Variants in LYZL4 observed in about 807,000 individuals in gnomAD.
The protein encoded by LYZL4 is lysozyme-like protein 4.
A neutral mutation model predicts 17.6 loss-of-function variants in LYZL4; 13 were observed. The observed-to-expected ratio is 0.74, with a 90% CI of 0.48 to 1.18. The LOEUF (loss-of-function observed/expected upper bound fraction) is 1.18, where lower values mean the gene tolerates loss of function less well. Among genes scored for constraint, LYZL4 ranks in the 50% most tolerant of loss-of-function variants. The pLI is 0.00. For missense variants in LYZL4, 174 were observed against 188.2 expected (o/e 0.92, Z 0.44); for synonymous variants, 64 against 67.7 (o/e 0.95, Z 0.27).
At chr3:42,386,195 C>T in the LYZL4 span, among the ~76,000 whole-genome samples, 2 of 152,192 alleles carry the variant, frequency 1.3e-5, no homozygotes, top group East Asian at 1.9e-4. Context: ...TTCCACCTCC[C>T]GGGTTCAAGA....
chr3:42,379,551 G>C, the LYZL4 span, among the ~76,000 whole-genome samples: 6 of 152,156 alleles, frequency 3.9e-5, no homozygotes, highest in African/African-American at 1.4e-4. Context: ...AAGTTTATTA[G>C]AAGCCCTCAT....
chr3:42,406,453 C>CAAAAAAAAAAAAA (rs565639489), intron 3 of LYZL4, among the ~76,000 whole-genome samples: 1 of 84,156 alleles, frequency 1.2e-5, no homozygotes, highest in Non-Finnish European at 2.4e-5. Context: ...GACTCCGTCT[C>CAAAAAAAAAAAAA]AAAAAAAAAA....
Position 42,407,106 on chromosome 3 carries a change from T to C in LYZL4, c.139+7A>G. ...AGAGGAGGGAGCACTAAGTGGGGCC[T>C]ACTCACAGTTCTCAAGGCTATAGCC... On this transcript the variant is annotated splice_region_variant and intron_variant, in intron 2 of 4. Transcript: ENST00000287748. 1 of 1,614,138 alleles carries C rather than the reference T, an allele frequency of 6.2e-7. No homozygotes were observed. Among genetic ancestry groups the C allele is most frequent in the Non-Finnish European group, 8.5e-7 (1 of 1,180,002 alleles).
the LYZL4 span, among the ~76,000 whole-genome samples, chr3:42,387,136 A>T: frequency 6.6e-6 from 1 of 152,160 alleles, no homozygotes; most frequent in South Asian, 2.1e-4. Context: ...ATAACAACAT[A>T]CTGTGCAATA....
chr3:42,398,006 T>C (rs1698585358), intron 4 of LYZL4, among the ~76,000 whole-genome samples: 1 of 152,150 alleles, frequency 6.6e-6, no homozygotes, highest in African/African-American at 2.4e-5. Context: ...TCCTGTTTCG[T>C]CATCCCACCC....
chr3:42,364,323 T>TCTTTTC, the LYZL4 span, among the ~76,000 whole-genome samples: 1 of 139,110 alleles, frequency 7.2e-6, no homozygotes, highest in African/African-American at 2.9e-5. Context: ...TGTCACCTTT[T>TCTTTTC]CTTTTCCTTT....
At position 42,397,213 on chromosome 3, in the gene LYZL4, A is replaced by G; in HGVS notation, c.*52T>C. 8.0e-7 allele frequency: 1 copy of G among 1,249,852 alleles called. No individual in the cohort carries two copies. The highest frequency in any genetic ancestry group is 1.1e-6 in the Non-Finnish European group (1 of 877,868). The allele number at this position is 1,249,852 out of a possible 1,614,324, so 77.4% of individuals were successfully genotyped here. A position where few individuals can be genotyped will look rare whatever the true frequency, so the allele number is the denominator to read the frequency against. On this transcript the variant is annotated 3_prime_UTR_variant, in exon 5 of 5. Transcript: ENST00000287748. ...TGACTGAAGCAGCAAGCAGAAAAGC[A>G]CCTTCATTCACAAGATGCAACTGGT... is the stretch of plus-strand genomic sequence containing the variant.
the LYZL4 span, among the ~76,000 whole-genome samples, chr3:42,373,537 G>A: frequency 2.0e-5 from 3 of 152,162 alleles, no homozygotes; most frequent in Non-Finnish European, 4.4e-5. Flanking sequence ...CATAGCATGG[G>A]CGTGGGGGAG....
chr3:42,377,827 C>T, the LYZL4 span, among the ~76,000 whole-genome samples: 2 of 152,152 alleles, frequency 1.3e-5, no homozygotes, highest in Non-Finnish European at 2.9e-5. Flanking sequence ...TCACTTCAAC[C>T]ATAATTCCAA....
intron 3 of LYZL4, among the ~76,000 whole-genome samples, chr3:42,405,751 C>G (rs1029995030): frequency 6.6e-6 from 1 of 152,140 alleles, no homozygotes; most frequent in African/African-American, 2.4e-5. Flanking sequence ...AGCCGCACTG[C>G]TTAGGTTTCC....
chr3:42,367,306 T>C, the LYZL4 span, among the ~76,000 whole-genome samples: 1 of 152,174 alleles, frequency 6.6e-6, no homozygotes, highest in African/African-American at 2.4e-5. Flanking sequence ...TATAAATCCC[T>C]GATATGACAC....
At chr3:42,365,707 A>G in the LYZL4 span, among the ~76,000 whole-genome samples, 1 of 152,186 alleles carries the variant, frequency 6.6e-6, no homozygotes, top group East Asian at 1.9e-4. Flanking sequence ...GATATATACT[A>G]CTACTACAGG....
chr3:42,380,068 T>A, the LYZL4 span, among the ~76,000 whole-genome samples: 1 of 152,194 alleles, frequency 6.6e-6, no homozygotes, highest in East Asian at 1.9e-4. Context: ...TGGGCCCTCA[T>A]CGGACACCAC....
At chr3:42,370,989 A>G in the LYZL4 span, among the ~76,000 whole-genome samples, 9 of 152,124 alleles carry the variant, frequency 5.9e-5, no homozygotes, top group Non-Finnish European at 1.2e-4. Flanking sequence ...TGTGTCCTGA[A>G]CAGGTTTCCC....
chr3:42,398,911 A>G (rs1698604760), intron 4 of LYZL4, among the ~76,000 whole-genome samples: 1 of 152,200 alleles, frequency 6.6e-6, no homozygotes, highest in South Asian at 2.1e-4. Context: ...AATACAAATA[A>G]CAAACCTGAA....
downstream of LYZL4, chr3:42,397,042 A>G (rs780917491): frequency 1.1e-4 from 50 of 452,394 alleles, no homozygotes; most frequent in Non-Finnish European, 1.7e-4. Context: ...AATGGTGATT[A>G]CAGAAATAAT....
At chr3:42,378,287 G>C in the LYZL4 span, among the ~76,000 whole-genome samples, 1 of 152,216 alleles carries the variant, frequency 6.6e-6, no homozygotes, top group Admixed American at 6.5e-5. Context: ...AGCAGAGAAT[G>C]TGGCCTCTGA....
rs1225089621 is a variant in LYZL4, at chr3:42,410,470, G to A, written c.-146C>T. On this transcript the variant is annotated 5_prime_UTR_variant, in exon 1 of 5. Transcript: ENST00000287748. ...TTTTGGTGCCTTTCCAAGGGGAGGG[G>A]AAGAACAGCCACTGCAGCAGCTTCG... is the stretch of plus-strand genomic sequence containing the variant. 2 of 152,220 alleles carry A rather than the reference G, an allele frequency of 1.3e-5. No individual in the cohort carries two copies. The highest frequency in any genetic ancestry group is 3.9e-4 in the East Asian group (2 of 5,194). 9.4% of individuals were successfully genotyped at this position (152,220 alleles called of 1,614,324 possible).
chr3:42,389,067 GT>G, the LYZL4 span, among the ~76,000 whole-genome samples: 39 of 152,360 alleles, frequency 2.6e-4, no homozygotes, highest in African/African-American at 8.4e-4. Context: ...CCAAGACATT[GT>G]CTATTGGCAT....
Sources: allele counts gnomAD v4.1 joint callset (sites outside exome capture counted in the v4.1 genomes callset), GRCh38; gene constraint gnomAD v4.1.1; transcripts MANE v1.5; gene names NCBI Gene and HGNC (gene_info 2026-07-23, HGNC 2026-07-21).